The following DNAJB6 variants were observed in gnomAD, a reference collection of about 807,000 sequenced individuals.
DNAJB6 encodes the protein DnaJ heat shock protein family (Hsp40) member B6.
DNAJB6 carries 16 observed loss-of-function variants against 42.7 expected under a neutral mutation model. That is an observed-to-expected ratio of 0.37 (90% CI 0.25 to 0.57). DNAJB6 has a LOEUF of 0.57. Ranked by LOEUF, DNAJB6 falls within the 20% of genes least tolerant of loss-of-function variation. The pLI, the probability that DNAJB6 is intolerant of heterozygous loss-of-function variation, is 0.74. For synonymous variants in DNAJB6, 170 were observed against 163.5 expected (o/e 1.04, Z -0.30); for missense variants, 347 against 416.8 (o/e 0.83, Z 1.46).
In DNAJB6 at chr7:157,416,004, G is replaced by A. The variant is rs779492467; in HGVS notation, c.899-12G>A. 1.7e-5 allele frequency: 28 copies of A among 1,614,182 alleles called. No individual in the cohort carries two copies. The highest frequency in any genetic ancestry group is 1.7e-4 in the Middle Eastern group (1 of 6,058). On this transcript the variant is annotated splice_polypyrimidine_tract_variant and intron_variant, in intron 9 of 9. Coordinates refer to ENST00000262177, the MANE Select transcript of DNAJB6 (RefSeq NM_058246.4). ...TGTTCCGTACAGTGTTTTACAAGCCGTGTTTCCTTAGGATTGAAAGAAGGT... is the reference window on the plus strand; with the variant it reads ...TGTTCCGTACAGTGTTTTACAAGCCATGTTTCCTTAGGATTGAAAGAAGGT...
At chr7:157,340,132 T>A (rs1798283453) in intron 1 of DNAJB6, 1 of 152,242 alleles carries the variant, frequency 6.6e-6, no homozygotes, top group African/African-American at 2.4e-5. Context: ...TTTGTATTTG[T>A]GAGTTGACGT....
At chr7:157,369,131 G>C in intron 5 of DNAJB6, 1 of 373,626 alleles carries the variant, frequency 2.7e-6, no homozygotes, top group Non-Finnish European at 5.3e-6. Flanking sequence ...TTCCGATTAG[G>C]GGACCGGGAG....
intron 8 of DNAJB6, among the ~76,000 whole-genome samples, chr7:157,395,963 T>G (rs1176890632): frequency 6.7e-6 from 1 of 149,566 alleles, no homozygotes; most frequent in South Asian, 2.1e-4. Context: ...TTTTTTTTTT[T>G]TGGAGACGTA....
chr7:157,349,292 A>G (rs941897287), intron 1 of DNAJB6, among the ~76,000 whole-genome samples: 4 of 152,206 alleles, frequency 2.6e-5, no homozygotes, highest in East Asian at 1.9e-4. Flanking sequence ...ATTAAATTCA[A>G]TCAGAATGAC....
intron 5 of DNAJB6, among the ~76,000 whole-genome samples, chr7:157,371,142 A>G (rs558204197): frequency 1.3e-5 from 2 of 152,326 alleles, no homozygotes; most frequent in South Asian, 4.1e-4. Flanking sequence ...AGAATCCAGT[A>G]TCTGAAACCA....
At chr7:157,365,215 A>G (rs930249572) in intron 3 of DNAJB6, among the ~76,000 whole-genome samples, 3 of 152,256 alleles carry the variant, frequency 2.0e-5, no homozygotes, top group Admixed American at 1.3e-4. Context: ...TGCCCACGCA[A>G]AGTGTTGGGA....
intron 5 of DNAJB6, chr7:157,369,133 G>T (rs901446052): frequency 3.7e-5 from 14 of 376,788 alleles, no homozygotes; most frequent in Admixed American, 3.2e-5. Context: ...CCGATTAGGG[G>T]ACCGGGAGAC....
chr7:157,345,872 C>G (rs1297685766), intron 1 of DNAJB6, among the ~76,000 whole-genome samples: 1 of 151,968 alleles, frequency 6.6e-6, no homozygotes, highest in Non-Finnish European at 1.5e-5. Context: ...GAAATTACTT[C>G]TTTTGATTTA....
intron 5 of DNAJB6, among the ~76,000 whole-genome samples, chr7:157,373,624 T>C (rs1039937588): frequency 1.3e-5 from 2 of 152,208 alleles, no homozygotes; most frequent in Non-Finnish European, 2.9e-5. Context: ...GTGCTGGGAT[T>C]ACATGCGTGA....
intron 8 of DNAJB6, among the ~76,000 whole-genome samples, chr7:157,401,413 C>T (rs920512556): frequency 3.3e-5 from 5 of 152,060 alleles, no homozygotes; most frequent in African/African-American, 1.2e-4. Context: ...CGGGGTTTCT[C>T]CATGTTAGGC....
chr7:157,407,102 G>C (rs976468551), intron 8 of DNAJB6, among the ~76,000 whole-genome samples: 2 of 152,254 alleles, frequency 1.3e-5, no homozygotes, highest in Admixed American at 6.5e-5. Flanking sequence ...TGGGAGGTGG[G>C]GGGGGTCCCA....
intron 2 of DNAJB6, 102 bp downstream of exon 2, chr7:157,358,739 G>A (rs1009488742): frequency 8.9e-6 from 8 of 903,752 alleles, no homozygotes; most frequent in South Asian, 1.4e-5. Flanking sequence ...TTTTAATGTA[G>A]TATACCAGTC....
intron 5 of DNAJB6, among the ~76,000 whole-genome samples, chr7:157,370,014 AAAGAGGCCCTTTCTT>A (rs1353720654): frequency 6.8e-6 from 1 of 147,158 alleles, no homozygotes; most frequent in African/African-American, 2.6e-5. Flanking sequence ...CATTATTATT[AAAGAGGCCCTTTCTT>A]AACATTATTA....
intron 1 of DNAJB6, among the ~76,000 whole-genome samples, chr7:157,342,026 C>T (rs1474507950): frequency 2.0e-5 from 3 of 152,082 alleles, no homozygotes; most frequent in African/African-American, 7.2e-5. Context: ...GCCACTACAC[C>T]TGGCTAATTG....
intron 8 of DNAJB6, among the ~76,000 whole-genome samples, chr7:157,405,395 T>TGTG (rs922414662): frequency 6.6e-6 from 1 of 151,590 alleles, no homozygotes; most frequent in Non-Finnish European, 1.5e-5. Context: ...CTGGCAGGAG[T>TGTG]GTGGGTCTGT....
intron 5 of DNAJB6, among the ~76,000 whole-genome samples, chr7:157,372,600 G>A (rs1237654046): frequency 1.3e-5 from 2 of 152,188 alleles, no homozygotes; most frequent in East Asian, 3.8e-4. Flanking sequence ...CTGCCTTGGA[G>A]ATAGAACTGA....
At chr7:157,357,406 C>T (rs569301891) in intron 1 of DNAJB6, among the ~76,000 whole-genome samples, 2 of 149,894 alleles carry the variant, frequency 1.3e-5, no homozygotes, top group South Asian at 4.3e-4. Flanking sequence ...TCTCTGCCTC[C>T]TGGGTTCAAG....
At chr7:157,383,863 G>T (rs1003189047) in intron 6 of DNAJB6, among the ~76,000 whole-genome samples, 1 of 152,108 alleles carries the variant, frequency 6.6e-6, no homozygotes, top group African/African-American at 2.4e-5. Context: ...TACCGCAAAT[G>T]ATTTTGATTT....
chr7:157,356,683 C>T (rs1399410381), intron 1 of DNAJB6, among the ~76,000 whole-genome samples: 2 of 152,136 alleles, frequency 1.3e-5, no homozygotes, highest in African/African-American at 2.4e-5. Context: ...ATTATGTATC[C>T]AGCAAAGCTG....
Sources: allele counts gnomAD v4.1 joint callset (sites outside exome capture counted in the v4.1 genomes callset), GRCh38; gene constraint gnomAD v4.1.1; transcripts MANE v1.5; gene names NCBI Gene and HGNC (gene_info 2026-07-23, HGNC 2026-07-21).